The following FRMD4A variants were observed in gnomAD, a reference collection of about 807,000 sequenced individuals.
FRMD4A encodes FERM domain-containing protein 4A.
A neutral mutation model predicts 129.1 loss-of-function variants in FRMD4A; 29 were observed. The observed-to-expected ratio is 0.22, with a 90% confidence interval of 0.17 to 0.31. FRMD4A has a LOEUF of 0.31. Among genes scored for constraint, FRMD4A ranks in the 10% least tolerant of loss-of-function variants. The probability of loss-of-function intolerance (pLI) is 1.00; values close to 1 mark genes in which losing one functional copy is unlikely to be tolerated. For synonymous variants in FRMD4A, 634 were observed against 571.6 expected (o/e 1.11, Z -1.56); for missense variants, 1,272 against 1,375.8 (o/e 0.92, Z 1.19).
At chr10:14,082,307 A>G (rs552164941) in intron 2 of FRMD4A, among the ~76,000 whole-genome samples, 1 of 152,348 alleles carries the variant, frequency 6.6e-6, no homozygotes, top group Non-Finnish European at 1.5e-5. Flanking sequence ...TGGATTCTGC[A>G]AAAGATGTGG....
chr10:13,906,386 C>CA, intron 2 of FRMD4A, among the ~76,000 whole-genome samples: 1 of 152,336 alleles, frequency 6.6e-6, no homozygotes, highest in South Asian at 2.1e-4. Context: ...CACCAACCAA[C>CA]AGCTTACTAG....
chr10:14,330,799 C>A lies in FRMD4A; in HGVS notation c.-284G>T, dbSNP rs1187618499. On this transcript the variant is annotated 5_prime_UTR_variant, in exon 1 of 25. Transcript: ENST00000357447. ...CCTTCCCCAGATCTACTTTTCCTCT[C>A]CAAGTAGACTGGCCAGCTCAGCTCC... 1 of 398,862 alleles carries A rather than the reference C, an allele frequency of 2.5e-6. No individual in the cohort carries two copies. The highest frequency in any genetic ancestry group is 3.6e-5 in the East Asian group (1 of 28,068). 24.7% of individuals were successfully genotyped at this position (398,862 alleles called of 1,614,324 possible).
intron 12 of FRMD4A, among the ~76,000 whole-genome samples, chr10:13,730,047 T>A (rs933646513): frequency 1.3e-5 from 2 of 152,214 alleles, no homozygotes; most frequent in Admixed American, 6.5e-5. Context: ...TGCTTTAATG[T>A]GTAATGGCTT....
chr10:14,330,077 G>A lies in FRMD4A; in HGVS notation c.26C>T (p.Ser9Leu). Residue 9 changes from serine (S) to leucine (L), a missense_variant, in exon 2 of 25, where the codon TCA becomes TTA. Ser to Leu is a moderately radical substitution (Grantham distance 145). Around this residue, in one of 2 missense-constraint regions of FRMD4A, gnomAD observed 300 missense variants for 483.6 expected, o/e 0.62. Coordinates refer to ENST00000357447, the MANE Select transcript of FRMD4A (RefSeq NM_018027.5). MAVQLVPDSALGLLMMTEG... is the reference protein window; with the variant it reads MAVQLVPDLALGLLMMTEG... ...ACTCACCATCAGCAGGCCGAGAGCT[G>A]AGTCGGGCACCAGCTGCACTGCCAT... The A allele has an allele frequency of 6.4e-7, 1 of 1,553,510 alleles. No homozygotes were observed. The highest frequency in any genetic ancestry group is 1.4e-5 in the African/African-American group (1 of 73,274).
At chr10:14,232,532 G>GCA in intron 2 of FRMD4A, among the ~76,000 whole-genome samples, 1 of 131,034 alleles carries the variant, frequency 7.6e-6, no homozygotes, top group South Asian at 2.2e-4. Flanking sequence ...AGTATGGACA[G>GCA]GTATTGATTC....
intron 2 of FRMD4A, among the ~76,000 whole-genome samples, chr10:13,969,184 GC>G (rs1218732486): frequency 3.3e-5 from 5 of 152,232 alleles, no homozygotes; most frequent in African/African-American, 1.2e-4. Flanking sequence ...TGTTCACTGA[GC>G]CTCCCAGGTT....
chr10:14,167,011 C>A (rs761606435), intron 2 of FRMD4A, among the ~76,000 whole-genome samples: 10 of 152,032 alleles, frequency 6.6e-5, no homozygotes, highest in Admixed American at 2.0e-4. Context: ...AAGAAATAAA[C>A]CCTGGTGTCT....
intron 2 of FRMD4A, among the ~76,000 whole-genome samples, chr10:14,021,714 T>C (rs1425764858): frequency 6.6e-6 from 1 of 152,180 alleles, no homozygotes; most frequent in African/African-American, 2.4e-5. Flanking sequence ...ATCTGGGTGG[T>C]GGTTACACAG....
intron 2 of FRMD4A, among the ~76,000 whole-genome samples, chr10:14,178,913 T>A (rs1418704165): frequency 6.6e-6 from 1 of 152,218 alleles, no homozygotes; most frequent in African/African-American, 2.4e-5. Context: ...GGTGGACTTC[T>A]CACCTATAGA....
chr10:14,034,797 G>A (rs372432010), intron 2 of FRMD4A, among the ~76,000 whole-genome samples: 16 of 152,190 alleles, frequency 1.1e-4, no homozygotes, highest in Admixed American at 2.6e-4. Flanking sequence ...CACACAGGCC[G>A]TCCCTAGAAG....
At chr10:14,302,087 T>C (rs530127231) in intron 2 of FRMD4A, among the ~76,000 whole-genome samples, 1 of 152,332 alleles carries the variant, frequency 6.6e-6, no homozygotes, top group African/African-American at 2.4e-5. Flanking sequence ...GGTTTGATTT[T>C]TGTATAGTGC....
At chr10:14,136,416 A>G (rs116049093) in intron 2 of FRMD4A, among the ~76,000 whole-genome samples, 130 of 152,316 alleles carry the variant, frequency 8.5e-4, no homozygotes, top group African/African-American at 2.9e-3. Context: ...GCTTATCTTC[A>G]CAGGGACAGA....
chr10:14,051,556 T>C (rs1834260861), intron 2 of FRMD4A, among the ~76,000 whole-genome samples: 1 of 152,150 alleles, frequency 6.6e-6, no homozygotes, highest in South Asian at 2.1e-4. Context: ...GAGCTGGAAA[T>C]GAAATGCTCA....
At chr10:14,015,007 CCTCCCTCCCTCCCTTCCT>C (rs2095694044) in intron 2 of FRMD4A, among the ~76,000 whole-genome samples, 1 of 124,376 alleles carries the variant, frequency 8.0e-6, no homozygotes, top group Non-Finnish European at 1.7e-5. Context: ...CTCCTTCCTT[CCTCCCTCCCTCCCTTCCT>C]TCCTTCCTCC....
Position 14,110,089 on chromosome 10 carries a change from A to G in FRMD4A, c.45+219969T>C, listed in dbSNP as rs1184336658. Among the ~76,000 whole-genome samples, 6 of 141,534 alleles carry G rather than the reference A, an allele frequency of 4.2e-5. No homozygotes were observed. In the East Asian group the frequency reaches 1.3e-3, roughly 30 times the overall value. The allele number at this position is 141,534 out of a possible 152,430, so 92.9% of individuals were successfully genotyped here. ...GGCTGCAGTGAGCTGAGATTGCGCC[A>G]CTATATTCCAGGCTGGGCAACAAAG... On this transcript the variant is annotated intron_variant, in intron 2 of 24. Coordinates refer to ENST00000357447, the MANE Select transcript of FRMD4A (RefSeq NM_018027.5).
intron 22 of FRMD4A, among the ~76,000 whole-genome samples, chr10:13,656,286 T>TA (rs1273500226): frequency 6.6e-6 from 1 of 152,198 alleles, no homozygotes; most frequent in African/African-American, 2.4e-5. Context: ...CTCACTAGGG[T>TA]AAAAGACACC....
intron 2 of FRMD4A, among the ~76,000 whole-genome samples, chr10:14,049,457 C>G (rs867742319): frequency 8.5e-5 from 13 of 152,170 alleles, no homozygotes; most frequent in Admixed American, 3.9e-4. Context: ...TGGAATTCCC[C>G]ACAGTTTGGG....
intron 2 of FRMD4A, among the ~76,000 whole-genome samples, chr10:13,983,261 A>G (rs539198481): frequency 6.6e-6 from 1 of 152,226 alleles, no homozygotes; most frequent in Non-Finnish European, 1.5e-5. Context: ...TAAATTTGCA[A>G]GCAGTCCTCT....
At chr10:13,683,355 C>A (rs548213749) in intron 15 of FRMD4A, among the ~76,000 whole-genome samples, 3 of 151,064 alleles carry the variant, frequency 2.0e-5, no homozygotes, top group Non-Finnish European at 2.9e-5. Flanking sequence ...GAGGCCCTGG[C>A]GGGAGGATTG....
Sources: gnomAD v4.1 joint callset for allele counts (sites outside exome capture counted in the v4.1 genomes callset) on GRCh38, gnomAD v4.1.1 for gene constraint, gnomAD v4.1.1 regional missense constraint, MANE v1.5 for transcripts, NCBI Gene and HGNC (gene_info 2026-07-23, HGNC 2026-07-21) for gene names.